The following SPOCK3 variants were observed in gnomAD, a reference collection of about 807,000 sequenced individuals.
SPOCK3 encodes the protein testican-3.
In SPOCK3, 30 loss-of-function variants were observed where a neutral mutation model predicts 56.6. The observed-to-expected ratio is 0.53, with a 90% CI of 0.40 to 0.72. The LOEUF (loss-of-function observed/expected upper bound fraction) is 0.72, where lower values mean the gene tolerates loss of function less well. SPOCK3 is among the 30% of genes least tolerant of loss of function. SPOCK3 has a pLI of 0.00. For synonymous variants in SPOCK3, 196 were observed against 183.3 expected, an observed-to-expected ratio of 1.07 and a Z score of -0.56; for missense variants, 527 against 530.0, an observed-to-expected ratio of 0.99 and a Z score of 0.06.
chr4:166,949,531 T>G (rs1372514540), intron 4 of SPOCK3, among the ~76,000 whole-genome samples: 1 of 152,174 alleles, frequency 6.6e-6, no homozygotes, highest in East Asian at 1.9e-4. Flanking sequence ...GTGGATGTCC[T>G]TTCTGTTCGT....
chr4:166,907,640 G>C (rs559097576), intron 5 of SPOCK3, among the ~76,000 whole-genome samples: 5 of 152,110 alleles, frequency 3.3e-5, no homozygotes, highest in African/African-American at 7.2e-5. Flanking sequence ...GGAGAGGAAG[G>C]CTTTTCTGAC....
intron 6 of SPOCK3, among the ~76,000 whole-genome samples, chr4:166,885,614 C>T (rs1734107301): frequency 6.6e-6 from 1 of 152,062 alleles, no homozygotes; most frequent in Admixed American, 6.6e-5. Flanking sequence ...CCAGCTTCAC[C>T]TGTTACTTTT....
At chr4:167,193,842 T>C (rs13120774) in intron 2 of SPOCK3, among the ~76,000 whole-genome samples, 6,688 of 143,196 alleles carry the variant, frequency 0.047, 801 homozygotes, top group Middle Eastern at 0.083. Context: ...ACATATCTCA[T>C]GGTTATTTTC....
intron 6 of SPOCK3, among the ~76,000 whole-genome samples, chr4:166,862,702 G>T (rs1333569181): frequency 6.6e-6 from 1 of 151,772 alleles, no homozygotes; most frequent in Non-Finnish European, 1.5e-5. Flanking sequence ...CCCTTTTCTA[G>T]CAGATAAGTC....
intron 2 of SPOCK3, among the ~76,000 whole-genome samples, chr4:167,086,062 C>A (rs944996493): frequency 7.9e-5 from 12 of 151,968 alleles, no homozygotes; most frequent in African/African-American, 2.9e-4. Flanking sequence ...CTAATGTATT[C>A]ATGGGGTTAT....
chr4:167,050,712 C>T (rs1296180518), intron 3 of SPOCK3, among the ~76,000 whole-genome samples: 2 of 152,104 alleles, frequency 1.3e-5, no homozygotes, highest in Non-Finnish European at 2.9e-5. Flanking sequence ...TATTACTCAG[C>T]CTTAAAAACT....
At chr4:166,740,998 G>T (rs1016503944) in intron 9 of SPOCK3, among the ~76,000 whole-genome samples, 1 of 152,118 alleles carries the variant, frequency 6.6e-6, no homozygotes, top group Admixed American at 6.6e-5. Context: ...ACAAAGATTT[G>T]CAAGTAATGT....
chr4:166,834,432 T>C (rs2126805538), intron 6 of SPOCK3, among the ~76,000 whole-genome samples: 1 of 152,340 alleles, frequency 6.6e-6, no homozygotes, highest in Non-Finnish European at 1.5e-5. Context: ...TTGCCACCAC[T>C]GCTCTCTGAT....
chr4:167,232,003 A>C (rs568349769), intron 2 of SPOCK3, among the ~76,000 whole-genome samples: 13 of 152,046 alleles, frequency 8.6e-5, no homozygotes, highest in South Asian at 2.1e-4. Flanking sequence ...CCTTTTTAAA[A>C]TTTATGTACA....
chr4:166,992,730 A>ATT (rs5863851), intron 4 of SPOCK3, among the ~76,000 whole-genome samples: 13 of 151,900 alleles, frequency 8.6e-5, no homozygotes, highest in Admixed American at 8.5e-4. Flanking sequence ...TTAATATCCA[A>ATT]TTTTTTCTCT....
At position 166,889,165 on chromosome 4, in the gene SPOCK3, T is replaced by C. The variant is rs758344095; in HGVS notation, c.554A>G (p.Asp185Gly). 3.7e-6 allele frequency: 6 copies of C among 1,611,830 alleles called. No homozygotes were observed. Among genetic ancestry groups the C allele is most frequent in the Non-Finnish European group, 5.1e-6 (6 of 1,178,420 alleles). Residue 185 changes from aspartate to glycine, a missense_variant, in exon 6 of 11, where the codon GAT (aspartate) becomes GGT (glycine). Transcript: ENST00000357545. ...ATTTCTGCTTGTACTGGTGGGCTTATCTGAAGGACATGGGCAATGTCCTTC... is the reference window on the plus strand; with the variant it reads ...ATTTCTGCTTGTACTGGTGGGCTTACCTGAAGGACATGGGCAATGTCCTTC... ...KCEGHCPCPS[D>G]KPTSTSRNVK...
chr4:166,982,783 T>C (rs554684171), intron 4 of SPOCK3, among the ~76,000 whole-genome samples: 3 of 152,136 alleles, frequency 2.0e-5, no homozygotes, highest in South Asian at 2.1e-4. Flanking sequence ...CATGTAAAAC[T>C]CAAGCCATAT....
intron 4 of SPOCK3, among the ~76,000 whole-genome samples, chr4:166,958,189 C>A (rs1311371155): frequency 1.3e-5 from 2 of 152,150 alleles, no homozygotes; most frequent in African/African-American, 4.8e-5. Context: ...AGTGTGCTCT[C>A]TTGAGGTATG....
intron 4 of SPOCK3, among the ~76,000 whole-genome samples, chr4:166,988,672 A>C (rs1747435920): frequency 6.6e-6 from 1 of 152,112 alleles, no homozygotes; most frequent in Non-Finnish European, 1.5e-5. Flanking sequence ...AGATAATGGG[A>C]GGCTTTGAAA....
rs190349470 is a variant in SPOCK3, at chr4:166,869,409, C to T, written c.589+19721G>A. Among the ~76,000 whole-genome samples, 205 of 152,150 alleles carry T rather than the reference C, an allele frequency of 1.3e-3. 1 individual carries two copies. The highest frequency in any genetic ancestry group is 4.8e-3 in the African/African-American group (198 of 41,508). ...ACCCTCAAGGAGCACAGCTTTTTGG[C>T]ATATTTGTGCTCTTGGTTTCCAGAA... is the stretch of plus-strand genomic sequence containing the variant. On this transcript the variant is annotated intron_variant, in intron 6 of 10. Coordinates refer to ENST00000357545, the MANE Select transcript of SPOCK3 (RefSeq NM_001040159.2).
At chr4:167,206,342 A>T (rs893237628) in intron 2 of SPOCK3, among the ~76,000 whole-genome samples, 2 of 152,062 alleles carry the variant, frequency 1.3e-5, no homozygotes, top group African/African-American at 2.4e-5. Flanking sequence ...AAAAAAAAAT[A>T]AGTATGTTTA....
intron 6 of SPOCK3, among the ~76,000 whole-genome samples, chr4:166,880,558 T>C (rs1733582084): frequency 6.6e-6 from 1 of 152,170 alleles, no homozygotes; most frequent in Non-Finnish European, 1.5e-5. Context: ...CTATACTTGG[T>C]TTGGCCATTG....
At chr4:166,897,323 G>A (rs1168064322) in intron 5 of SPOCK3, among the ~76,000 whole-genome samples, 1 of 152,028 alleles carries the variant, frequency 6.6e-6, no homozygotes, top group Non-Finnish European at 1.5e-5. Context: ...CTTTTGTTCT[G>A]TATTATCTAT....
intron 4 of SPOCK3, among the ~76,000 whole-genome samples, chr4:166,939,092 T>C (rs1360730338): frequency 6.6e-6 from 1 of 152,110 alleles, no homozygotes; most frequent in Non-Finnish European, 1.5e-5. Context: ...AATGGCATGC[T>C]TGCCCTACTA....
Sources: allele counts gnomAD v4.1 joint callset (sites outside exome capture counted in the v4.1 genomes callset), GRCh38; gene constraint gnomAD v4.1.1; transcripts MANE v1.5; gene names NCBI Gene and HGNC (gene_info 2026-07-23, HGNC 2026-07-21).